ALDH9A1: variants seen among roughly 807,000 people sequenced by gnomAD.
The protein encoded by ALDH9A1 is aldehyde dehydrogenase 9 family member A1.
Under a neutral mutation model 56.6 loss-of-function variants are expected in ALDH9A1, and 42 were observed. That is an observed-to-expected ratio of 0.74 (90% confidence interval 0.58 to 0.96). The LOEUF is 0.96. ALDH9A1 is among the 40% of genes least tolerant of loss of function. The pLI is 0.00. For synonymous variants in ALDH9A1, 242 were observed against 236.0 expected, an observed-to-expected ratio of 1.03 and a Z score of -0.23; for missense variants, 661 against 651.5, an observed-to-expected ratio of 1.01 and a Z score of -0.16.
intron 6 of ALDH9A1, among the ~76,000 whole-genome samples, chr1:165,673,553 G>C (rs1378172489): frequency 6.6e-6 from 1 of 152,110 alleles, no homozygotes; most frequent in African/African-American, 2.4e-5. Context: ...ACAATACTGA[G>C]GAGATCCTCC....
rs4646900 is a variant in ALDH9A1 at position 165,666,644 on chromosome 1, TA to T, written c.1349+664del. Among the ~76,000 whole-genome samples the T allele has an allele frequency of 3.0e-3, 441 of 145,982 alleles. 6 individuals are homozygous for T. The highest frequency in any genetic ancestry group is 1.0e-2 in the African/African-American group (398 of 39,946). On this transcript the variant is annotated intron_variant, in intron 9 of 10. Coordinates refer to ENST00000354775, the MANE Select transcript of ALDH9A1 (RefSeq NM_000696.4). ...TCCCAAGCTCTTGACCATGAAGTTA[TA>T]AAAAAAAAAATGTGAACTTTATGTA...
intron 2 of ALDH9A1, among the ~76,000 whole-genome samples, chr1:165,694,069 G>A (rs1468096647): frequency 6.6e-6 from 1 of 151,288 alleles, no homozygotes; most frequent in African/African-American, 2.4e-5. Flanking sequence ...CGTAGGGGGT[G>A]GGGGGCTGGG....
intron 2 of ALDH9A1, among the ~76,000 whole-genome samples, chr1:165,692,758 A>T (rs12083492): frequency 0.3 from 43,762 of 148,282 alleles, 6,777 homozygotes; most frequent in South Asian, 0.47. Flanking sequence ...CATTGCCAAG[A>T]CAATCCTAAG....
intron 9 of ALDH9A1, among the ~76,000 whole-genome samples, chr1:165,665,375 AGT>A: frequency 6.6e-6 from 1 of 152,238 alleles, no homozygotes; most frequent in Non-Finnish European, 1.5e-5. Context: ...GAGGAAAAAC[AGT>A]CTTTTTAACA....
At chr1:165,663,193 A>G in intron 10 of ALDH9A1, 49 bp from the exon 11 acceptor site, 1 of 1,451,754 alleles carries the variant, frequency 6.9e-7, no homozygotes. Flanking sequence ...CAATAGTCTG[A>G]AAAGTCACAA....
chr1:165,666,210 A>C (rs138988025), intron 9 of ALDH9A1, among the ~76,000 whole-genome samples: 2 of 152,254 alleles, frequency 1.3e-5, no homozygotes, highest in South Asian at 2.1e-4. Context: ...ATCCATGGAG[A>C]TAGAAAGTAG....
chr1:165,679,015 T>A (rs1649457738), intron 6 of ALDH9A1, among the ~76,000 whole-genome samples: 1 of 152,230 alleles, frequency 6.6e-6, no homozygotes, highest in Non-Finnish European at 1.5e-5. Context: ...AGGACATTAG[T>A]CAAACAAGTG....
chr1:165,669,590 T>C (rs2101736710), intron 6 of ALDH9A1, 140 bp from the exon 7 acceptor site: 1 of 824,964 alleles, frequency 1.2e-6, no homozygotes, highest in South Asian at 2.1e-5. Context: ...TTTCTAAAAA[T>C]TGTCTCCATA....
At chr1:165,671,399 CAAG>C (rs1400532517) in intron 6 of ALDH9A1, 1 of 459,964 alleles carries the variant, frequency 2.2e-6, no homozygotes, top group East Asian at 6.3e-5. Context: ...AAAAACTGGC[CAAG>C]AAGGGCCTGA....
intron 6 of ALDH9A1, among the ~76,000 whole-genome samples, chr1:165,673,101 CAAA>C (rs1235930104): frequency 1.7e-5 from 1 of 57,284 alleles, no homozygotes; most frequent in Non-Finnish European, 3.7e-5. Flanking sequence ...TATTCAATTG[CAAA>C]AAAAAAAAAA....
chr1:165,685,262 GT>G (rs1558009754), intron 2 of ALDH9A1, among the ~76,000 whole-genome samples: 1 of 152,130 alleles, frequency 6.6e-6, no homozygotes, highest in Non-Finnish European at 1.5e-5. Context: ...GAAGCCAAGA[GT>G]AGGTCCCTCA....
Position 165,679,454 on chromosome 1 carries a change from G to A in ALDH9A1, c.918C>T (p.Leu306=), listed in dbSNP as rs778695803. 6.2e-7 allele frequency: 1 copy of A among 1,614,136 alleles called. No individual in the cohort carries two copies. Among genetic ancestry groups the A allele is most frequent in the South Asian group, 1.1e-5 (1 of 91,082 alleles). ...GACAGGTACATACCTGGCCTTGTGTGAGGAAGTTGGCCATCAGCGCCCCCT... is the reference window on the plus strand; with the variant it reads ...GACAGGTACATACCTGGCCTTGTGTAAGGAAGTTGGCCATCAGCGCCCCCT... The part of the protein sequence containing the change: ...AVKGALMANF[L]TQGQVCCNGT... Residue 306 remains leucine (L), a synonymous_variant, in exon 6 of 11, where the codon CTC becomes CTT. Coordinates refer to ENST00000354775, the MANE Select transcript of ALDH9A1 (RefSeq NM_000696.4).
intron 2 of ALDH9A1, among the ~76,000 whole-genome samples, chr1:165,690,382 T>A (rs1427546415): frequency 1.3e-5 from 2 of 152,080 alleles, no homozygotes; most frequent in African/African-American, 2.4e-5. Flanking sequence ...CTGAATTTTC[T>A]TTCTATAATG....
At chr1:165,674,059 G>C (rs552688728) in intron 6 of ALDH9A1, among the ~76,000 whole-genome samples, 1 of 152,124 alleles carries the variant, frequency 6.6e-6, no homozygotes, top group South Asian at 2.1e-4. Context: ...CGTCATTGCT[G>C]CTCATTATAT....
At chr1:165,677,972 T>C (rs1034675632) in intron 6 of ALDH9A1, among the ~76,000 whole-genome samples, 13 of 151,780 alleles carry the variant, frequency 8.6e-5, no homozygotes, top group Admixed American at 2.0e-4. Flanking sequence ...GTGGTGGAGG[T>C]TGCAGTGAGC....
At chr1:165,684,857 AT>A (rs1265380198) in intron 2 of ALDH9A1, among the ~76,000 whole-genome samples, 2 of 151,942 alleles carry the variant, frequency 1.3e-5, no homozygotes, top group Non-Finnish European at 2.9e-5. Context: ...TACTCTGGAG[AT>A]TTTTTTCTCT....
chr1:165,688,482 A>T (rs111257959), intron 2 of ALDH9A1, among the ~76,000 whole-genome samples: 2,020 of 152,346 alleles, frequency 0.013, 46 homozygotes, highest in African/African-American at 0.047. Flanking sequence ...AAAATATTTT[A>T]AAAAATAATT....
intron 6 of ALDH9A1, among the ~76,000 whole-genome samples, chr1:165,675,892 C>T (rs1649341478): frequency 6.6e-6 from 1 of 152,100 alleles, no homozygotes; most frequent in Non-Finnish European, 1.5e-5. Flanking sequence ...GGTTTATTTT[C>T]CACAGAGGTA....
chr1:165,675,297 T>C (rs1649318187), intron 6 of ALDH9A1, among the ~76,000 whole-genome samples: 1 of 151,888 alleles, frequency 6.6e-6, no homozygotes. Flanking sequence ...GTACAGATTA[T>C]GTAGAATATT....
Sources: gnomAD v4.1 joint callset for allele counts (sites outside exome capture counted in the v4.1 genomes callset) on GRCh38, gnomAD v4.1.1 for gene constraint, MANE v1.5 for transcripts, NCBI Gene and HGNC (gene_info 2026-07-23, HGNC 2026-07-21) for gene names.